The following NAALADL2 variants were observed in gnomAD, a reference collection of about 807,000 sequenced individuals.
NAALADL2 encodes inactive N-acetylated-alpha-linked acidic dipeptidase-like protein 2.
A neutral mutation model predicts 87.2 loss-of-function variants in NAALADL2; 76 were observed. That is an observed-to-expected ratio of 0.87 (90% CI 0.72 to 1.05). NAALADL2 has a LOEUF of 1.05. Among genes scored for constraint, NAALADL2 ranks in the 50% least tolerant of loss-of-function variants. The pLI, the probability that NAALADL2 is intolerant of heterozygous loss-of-function variation, is 0.00. For synonymous variants in NAALADL2, 354 were observed against 331.0 expected (o/e 1.07, Z -0.75); for missense variants, 1,089 against 945.8 (o/e 1.15, Z -1.99).
At position 175,214,122 on chromosome 3, in the gene NAALADL2, T is replaced by C. The variant is rs79944137; in HGVS notation, c.546-19809T>C. Among the ~76,000 whole-genome samples, 420 of 152,306 alleles carry C rather than the reference T, an allele frequency of 2.8e-3. 1 individual carries two copies. The highest frequency in any genetic ancestry group is 8.9e-3 in the African/African-American group (371 of 41,572). The stretch of plus-strand genomic sequence containing the variant: ...AATGACTTTTTGAAACAAATGAAGA[T>C]ATTTGGAGAAGAAATACTGGCATTG... On this transcript the variant is annotated intron_variant, in intron 2 of 13. Coordinates refer to ENST00000454872, the MANE Select transcript of NAALADL2 (RefSeq NM_207015.3).
At chr3:175,800,732 TTAAC>T (rs1441759731) in intron 13 of NAALADL2, among the ~76,000 whole-genome samples, 3 of 152,104 alleles carry the variant, frequency 2.0e-5, no homozygotes, top group African/African-American at 7.2e-5. Context: ...AGATAAAAAT[TTAAC>T]TAAGTTAAAT....
intron 11 of NAALADL2, among the ~76,000 whole-genome samples, chr3:175,649,912 A>T (rs1001816060): frequency 3.2e-4 from 49 of 152,246 alleles, no homozygotes; most frequent in African/African-American, 1.2e-3. Context: ...CTCTAAAGAA[A>T]AAAAGTTCTG....
chr3:175,647,558 G>A (rs1044235924), intron 11 of NAALADL2, among the ~76,000 whole-genome samples: 3 of 152,076 alleles, frequency 2.0e-5, no homozygotes, highest in Admixed American at 1.3e-4. Context: ...ATTTTCAAGA[G>A]TCTCTTAGAT....
intron 2 of NAALADL2, among the ~76,000 whole-genome samples, chr3:174,641,753 T>C (rs1158354525): frequency 1.5e-4 from 16 of 108,116 alleles, no homozygotes; most frequent in Non-Finnish European, 3.2e-4. Flanking sequence ...GAAATCCTTT[T>C]TTCAGAAATT....
chr3:174,808,551 A>T (rs776755644), intron 3 of NAALADL2, among the ~76,000 whole-genome samples: 1 of 152,160 alleles, frequency 6.6e-6, no homozygotes, highest in Non-Finnish European at 1.5e-5. Flanking sequence ...TCAATACAGC[A>T]ACTGCTATTT....
intron 1 of NAALADL2, among the ~76,000 whole-genome samples, chr3:175,051,919 G>A (rs994985134): frequency 5.9e-5 from 9 of 152,194 alleles, no homozygotes; most frequent in African/African-American, 1.7e-4. Flanking sequence ...AGACCAGCTC[G>A]GCTGGGGAGA....
At chr3:174,604,815 C>T (rs1447132719) in intron 2 of NAALADL2, among the ~76,000 whole-genome samples, 1 of 151,014 alleles carries the variant, frequency 6.6e-6, no homozygotes, top group African/African-American at 2.4e-5. Flanking sequence ...GTTGCCCAGG[C>T]TGGAGTGCAG....
At chr3:175,628,803 C>T (rs1400182203) in intron 11 of NAALADL2, among the ~76,000 whole-genome samples, 5 of 150,136 alleles carry the variant, frequency 3.3e-5, no homozygotes, top group East Asian at 1.9e-4. Context: ...AGAATGAGTT[C>T]GGAATACAAA....
rs1242225798 is a variant in NAALADL2, at chr3:175,786,261, G to GC, written c.2190-16744_2190-16743insC. 6.9e-4 allele frequency among the ~76,000 whole-genome samples: 103 copies of GC among 150,268 alleles called. 1 individual carries two copies. The highest frequency in any genetic ancestry group is 2.1e-3 in the South Asian group (10 of 4,820). On this transcript the variant is annotated intron_variant, in intron 13 of 13. Coordinates refer to ENST00000454872, the MANE Select transcript of NAALADL2 (RefSeq NM_207015.3). ...GAACCTTGGCCTGCCTTGCTAGATT[G>GC]GGGAAGTTCTCCTGGATAATATCCT... is the stretch of plus-strand genomic sequence containing the variant.
At chr3:174,945,778 T>C (rs1739314506) in intron 1 of NAALADL2, among the ~76,000 whole-genome samples, 2 of 152,108 alleles carry the variant, frequency 1.3e-5, no homozygotes, top group Admixed American at 1.3e-4. Context: ...CTGGGCAAGG[T>C]GGCTCACGCC....
intron 2 of NAALADL2, among the ~76,000 whole-genome samples, chr3:174,711,459 G>C (rs753284316): frequency 6.6e-6 from 1 of 152,184 alleles, no homozygotes; most frequent in Non-Finnish European, 1.5e-5. Context: ...ATATAGTTAA[G>C]TAAGTAGAAT....
rs1000479981 is a variant in NAALADL2 at position 175,464,610 on chromosome 3, C to T, written c.1327+1117C>T. Among the ~76,000 whole-genome samples, 10 of 152,062 alleles carry T rather than the reference C, an allele frequency of 6.6e-5. No homozygotes were observed. In the South Asian group the frequency reaches 8.3e-4, roughly 13 times the overall value. ...ACTTCTGTTGATTTTGGGACATTTACGCAAGTTCTCCCTGGAGAATTATTC... is the reference window on the plus strand; with the variant it reads ...ACTTCTGTTGATTTTGGGACATTTATGCAAGTTCTCCCTGGAGAATTATTC... On this transcript the variant is annotated intron_variant, in intron 7 of 13. Transcript: ENST00000454872.
intron 1 of NAALADL2, among the ~76,000 whole-genome samples, chr3:175,086,741 T>C (rs972548701): frequency 1.3e-5 from 2 of 152,134 alleles, no homozygotes; most frequent in African/African-American, 2.4e-5. Context: ...TTATAGTCTT[T>C]AGTAAATTGT....
At chr3:175,187,290 A>G (rs748579620) in intron 2 of NAALADL2, among the ~76,000 whole-genome samples, 8 of 152,200 alleles carry the variant, frequency 5.3e-5, no homozygotes, top group Admixed American at 3.3e-4. Flanking sequence ...GATACAAGTG[A>G]GTTCATGACT....
At chr3:175,692,407 A>C (rs1031759196) in intron 11 of NAALADL2, among the ~76,000 whole-genome samples, 4 of 152,146 alleles carry the variant, frequency 2.6e-5, no homozygotes, top group African/African-American at 4.8e-5. Flanking sequence ...CATTGTGGTC[A>C]TGTCTCCAGT....
intron 2 of NAALADL2, among the ~76,000 whole-genome samples, chr3:175,156,052 T>C (rs985756231): frequency 6.6e-6 from 1 of 152,192 alleles, no homozygotes; most frequent in Non-Finnish European, 1.5e-5. Flanking sequence ...TCTTTGAAGG[T>C]GTTTATTTCC....
At chr3:175,322,210 CAA>C (rs1423907221) in intron 4 of NAALADL2, among the ~76,000 whole-genome samples, 1 of 151,136 alleles carries the variant, frequency 6.6e-6, no homozygotes, top group Non-Finnish European at 1.5e-5. Context: ...TGATCTTTGA[CAA>C]ACCTGAGAAA....
chr3:175,753,397 TC>T (rs1746855221), intron 12 of NAALADL2, among the ~76,000 whole-genome samples: 2 of 152,196 alleles, frequency 1.3e-5, no homozygotes, highest in South Asian at 4.1e-4. Context: ...GATTTTTTTT[TC>T]TAAACATACT....
At chr3:175,332,221 A>G (rs1166325674) in intron 5 of NAALADL2, among the ~76,000 whole-genome samples, 1 of 152,202 alleles carries the variant, frequency 6.6e-6, no homozygotes, top group African/African-American at 2.4e-5. Flanking sequence ...AGAAAAAACA[A>G]TTATAATATT....
Sources: allele counts gnomAD v4.1 joint callset (sites outside exome capture counted in the v4.1 genomes callset), GRCh38; gene constraint gnomAD v4.1.1; transcripts MANE v1.5; gene names NCBI Gene and HGNC (gene_info 2026-07-23, HGNC 2026-07-21).